The following SGCD variants were observed in gnomAD, a reference collection of about 807,000 sequenced individuals.
SGCD encodes the protein sarcoglycan delta.
SGCD carries 18 observed loss-of-function variants against 36.6 expected under a neutral mutation model. The observed-to-expected ratio is 0.49, with a 90% CI of 0.34 to 0.73. The LOEUF is 0.73. Among genes scored for constraint, SGCD ranks in the 30% least tolerant of loss-of-function variants. The pLI, the probability that SGCD is intolerant of heterozygous loss-of-function variation, is 0.01. For synonymous variants in SGCD, 133 were observed against 130.6 expected, an observed-to-expected ratio of 1.02 and a Z score of -0.12; for missense variants, 387 against 346.7, an observed-to-expected ratio of 1.12 and a Z score of -0.92.
At chr5:155,918,656 C>T (rs1756807800) in intron 1 of SGCD, among the ~76,000 whole-genome samples, 1 of 152,176 alleles carries the variant, frequency 6.6e-6, no homozygotes, top group Non-Finnish European at 1.5e-5. Flanking sequence ...CTTGACCTCT[C>T]TACTTTATCA....
chr5:156,742,477 G>A (rs2113092332), intron 7 of SGCD, among the ~76,000 whole-genome samples: 1 of 148,800 alleles, frequency 6.7e-6, no homozygotes, highest in South Asian at 2.2e-4. Context: ...CCTTGGTCCA[G>A]TCCATCACCA....
intron 3 of SGCD, among the ~76,000 whole-genome samples, chr5:156,438,075 G>A (rs1753320758): frequency 6.6e-6 from 1 of 152,112 alleles, no homozygotes. Context: ...ACACTCAATT[G>A]GAAATTTAAG....
chr5:156,439,393 G>C (rs1261363488), intron 3 of SGCD, among the ~76,000 whole-genome samples: 21 of 152,032 alleles, frequency 1.4e-4, no homozygotes, highest in Admixed American at 1.4e-3. Flanking sequence ...ACTCCTTCTT[G>C]GGGAAACTTA....
At chr5:156,656,375 C>A (rs2113614938) in intron 7 of SGCD, among the ~76,000 whole-genome samples, 1 of 152,128 alleles carries the variant, frequency 6.6e-6, no homozygotes, top group East Asian at 1.9e-4. Flanking sequence ...TGGAGAATTA[C>A]AAAATCTACT....
chr5:156,559,835 G>T (rs995503805), intron 4 of SGCD, among the ~76,000 whole-genome samples: 3 of 152,206 alleles, frequency 2.0e-5, no homozygotes, highest in African/African-American at 4.8e-5. Flanking sequence ...GACTTTTCAA[G>T]AGAATTTTGA....
chr5:155,770,407 AT>A, the SGCD span, among the ~76,000 whole-genome samples: 5 of 152,276 alleles, frequency 3.3e-5, no homozygotes, highest in South Asian at 1.0e-3. Context: ...AAGATGGAAT[AT>A]CGCATAGAAG....
At chr5:155,946,566 T>G (rs1205674843) in intron 1 of SGCD, among the ~76,000 whole-genome samples, 2 of 152,190 alleles carry the variant, frequency 1.3e-5, no homozygotes, top group Non-Finnish European at 2.9e-5. Context: ...CCCAATCTCC[T>G]TCTCAATCTT....
At chr5:156,736,456 A>G (rs1436014797) in intron 7 of SGCD, among the ~76,000 whole-genome samples, 1 of 150,754 alleles carries the variant, frequency 6.6e-6, no homozygotes, top group Non-Finnish European at 1.5e-5. Context: ...CCAAATTTGT[A>G]TAACTTTTGA....
At chr5:156,180,384 T>TA (rs1191628160) in intron 3 of SGCD, among the ~76,000 whole-genome samples, 1 of 145,222 alleles carries the variant, frequency 6.9e-6, no homozygotes, top group African/African-American at 2.6e-5. Context: ...TAAATTAAAA[T>TA]AAAAAACATA....
the SGCD span, among the ~76,000 whole-genome samples, chr5:155,831,912 C>T: frequency 1.3e-5 from 2 of 152,088 alleles, no homozygotes; most frequent in South Asian, 2.1e-4. Flanking sequence ...ACTCAGAAGT[C>T]TTGTGGTATT....
chr5:156,500,530 C>T (rs573217198), intron 3 of SGCD, among the ~76,000 whole-genome samples: 3 of 152,272 alleles, frequency 2.0e-5, no homozygotes, highest in Admixed American at 2.0e-4. Context: ...GAATTAAAAA[C>T]CCGTCCAATG....
At chr5:156,490,105 C>G (rs1288912075) in intron 3 of SGCD, among the ~76,000 whole-genome samples, 1 of 151,878 alleles carries the variant, frequency 6.6e-6, no homozygotes, top group Admixed American at 6.6e-5. Context: ...ATTGGAAAAT[C>G]TAGCGGAAAT....
At chr5:156,126,177 G>C (rs1157541056) in intron 3 of SGCD, among the ~76,000 whole-genome samples, 1 of 151,998 alleles carries the variant, frequency 6.6e-6, no homozygotes, top group Admixed American at 6.6e-5. Context: ...CACCATGCCC[G>C]GCCTTTCCAC....
At chr5:156,180,006 G>A (rs997994465) in intron 3 of SGCD, among the ~76,000 whole-genome samples, 1 of 152,072 alleles carries the variant, frequency 6.6e-6, no homozygotes, top group African/African-American at 2.4e-5. Flanking sequence ...TCAGAGATGT[G>A]GTGATGGAAA....
chr5:156,719,706 A>G (rs1193564122), intron 7 of SGCD, among the ~76,000 whole-genome samples: 1 of 152,280 alleles, frequency 6.6e-6, no homozygotes, highest in East Asian at 1.9e-4. Flanking sequence ...TGATGAAAGG[A>G]AAGTTCCCAG....
chr5:156,718,606 C>A (rs182047562), intron 7 of SGCD, among the ~76,000 whole-genome samples: 1 of 151,794 alleles, frequency 6.6e-6, no homozygotes, highest in African/African-American at 2.4e-5. Context: ...ATAGCAAGAC[C>A]CAGTCTCATA....
intron 1 of SGCD, among the ~76,000 whole-genome samples, chr5:155,999,936 C>A (rs529539733): frequency 6.6e-6 from 1 of 152,166 alleles, no homozygotes; most frequent in African/African-American, 2.4e-5. Context: ...AAGATTTAAA[C>A]GTTATGAATC....
the SGCD span, among the ~76,000 whole-genome samples, chr5:155,846,748 A>G: frequency 7.9e-5 from 12 of 152,356 alleles, no homozygotes; most frequent in East Asian, 2.3e-3. Context: ...TAAAGAAATA[A>G]TGGAAAATAA....
intron 4 of SGCD, among the ~76,000 whole-genome samples, chr5:156,575,752 C>CAA (rs141573923): frequency 1.3e-4 from 20 of 149,874 alleles, no homozygotes; most frequent in East Asian, 3.9e-4. Context: ...GTACTTTAAG[C>CAA]AAAAAAAAAT....
Sources: gnomAD v4.1 joint callset for allele counts (sites outside exome capture counted in the v4.1 genomes callset) on GRCh38, gnomAD v4.1.1 for gene constraint, MANE v1.5 for transcripts, NCBI Gene and HGNC (gene_info 2026-07-23, HGNC 2026-07-21) for gene names.